STPG2: variants seen among roughly 807,000 people sequenced by gnomAD.
The protein encoded by STPG2 is sperm tail PG-rich repeat containing 2, also known as sperm-tail PG-rich repeat-containing protein 2.
In STPG2, 56 loss-of-function variants were observed where a neutral mutation model predicts 54.2. The observed-to-expected ratio is 1.03, with a 90% CI of 0.83 to 1.29. The LOEUF (loss-of-function observed/expected upper bound fraction) is 1.29, where lower values mean the gene tolerates loss of function less well. Ranked by LOEUF, STPG2 falls within the 50% of genes most tolerant of loss-of-function variation. STPG2 has a pLI of 0.00. For synonymous variants in STPG2, 200 were observed against 181.8 expected (o/e 1.10, Z -0.81); for missense variants, 596 against 544.9 (o/e 1.09, Z -0.93).
intron 10 of STPG2, among the ~76,000 whole-genome samples, chr4:97,635,318 C>G (rs904096537): frequency 6.6e-6 from 1 of 152,120 alleles, no homozygotes; most frequent in African/African-American, 2.4e-5. Flanking sequence ...CTAGGCCTGC[C>G]CTAAAAGAGC....
intron 9 of STPG2, among the ~76,000 whole-genome samples, chr4:97,746,249 A>G (rs1024616877): frequency 6.4e-4 from 97 of 151,326 alleles, no homozygotes; most frequent in African/African-American, 2.3e-3. Context: ...TCTTTAACTC[A>G]CTAAATTAAA....
chr4:97,518,747 A>C (rs1731124886), intron 4 of STPG2, among the ~76,000 whole-genome samples: 1 of 152,026 alleles, frequency 6.6e-6, no homozygotes, highest in African/African-American at 2.4e-5. Flanking sequence ...AAGTCCTCCA[A>C]ATGAACTGCC....
chr4:97,614,290 C>A (rs1244826561), intron 10 of STPG2, among the ~76,000 whole-genome samples: 1 of 117,744 alleles, frequency 8.5e-6, no homozygotes, highest in African/African-American at 3.2e-5. Context: ...TATGTGCCCT[C>A]TAAAGAGATT....
chr4:97,613,719 A>T (rs1733789777), intron 10 of STPG2, among the ~76,000 whole-genome samples: 1 of 152,094 alleles, frequency 6.6e-6, no homozygotes, highest in Non-Finnish European at 1.5e-5. Context: ...ACTCCAGTAC[A>T]ATACAAAAAT....
At chr4:98,076,424 T>A (rs1040144252) in intron 5 of STPG2, among the ~76,000 whole-genome samples, 1 of 152,192 alleles carries the variant, frequency 6.6e-6, no homozygotes, top group Non-Finnish European at 1.5e-5. Context: ...TTAATCACAA[T>A]TGAAAATATC....
chr4:97,481,821 T>G (rs775424885), intron 4 of STPG2, among the ~76,000 whole-genome samples: 35 of 151,614 alleles, frequency 2.3e-4, no homozygotes, highest in Non-Finnish European at 4.9e-4. Context: ...TCTTTTCCAA[T>G]CAGTATGCTT....
chr4:97,939,913 T>A (rs1439240339), intron 8 of STPG2, among the ~76,000 whole-genome samples: 1 of 152,212 alleles, frequency 6.6e-6, no homozygotes, highest in African/African-American at 2.4e-5. Flanking sequence ...CCTGTGTGTT[T>A]AAATGTGTTT....
chr4:97,641,942 G>A (rs1721778269), intron 10 of STPG2, among the ~76,000 whole-genome samples: 1 of 151,432 alleles, frequency 6.6e-6, no homozygotes, highest in African/African-American at 2.4e-5. Context: ...TTTGATCAAA[G>A]CATGATTACA....
chr4:97,976,255 A>C (rs181395061), intron 6 of STPG2, among the ~76,000 whole-genome samples: 2 of 152,278 alleles, frequency 1.3e-5, no homozygotes, highest in African/African-American at 4.8e-5. Flanking sequence ...TTTAGGAAAA[A>C]GATAAACACA....
At chr4:98,005,393 CAAACAG>C (rs1258495960) in intron 5 of STPG2, among the ~76,000 whole-genome samples, 1 of 152,150 alleles carries the variant, frequency 6.6e-6, no homozygotes, top group Non-Finnish European at 1.5e-5. Flanking sequence ...CTCTAAAGAA[CAAACAG>C]CTCTGAATAG....
intron 10 of STPG2, among the ~76,000 whole-genome samples, chr4:97,653,335 A>G (rs1416602539): frequency 6.6e-6 from 1 of 151,960 alleles, no homozygotes; most frequent in Non-Finnish European, 1.5e-5. Context: ...TTGACTTTAT[A>G]TAATGTAACA....
intron 4 of STPG2, among the ~76,000 whole-genome samples, chr4:98,108,243 C>A (rs1302330240): frequency 6.6e-6 from 1 of 152,000 alleles, no homozygotes; most frequent in Non-Finnish European, 1.5e-5. Flanking sequence ...ATCTGTCTAG[C>A]AAATTAATTG....
intron 5 of STPG2, among the ~76,000 whole-genome samples, chr4:98,042,149 T>G (rs532233272): frequency 6.6e-6 from 1 of 151,994 alleles, no homozygotes; most frequent in African/African-American, 2.4e-5. Flanking sequence ...TCTGATAATC[T>G]TTTGTATTTT....
chr4:97,907,635 A>G (rs1731491914), intron 8 of STPG2, among the ~76,000 whole-genome samples: 1 of 152,320 alleles, frequency 6.6e-6, no homozygotes, highest in East Asian at 1.9e-4. Context: ...AGGCTACAGT[A>G]ACCAAAACAG....
At chr4:97,903,666 T>C (rs1400478945) in intron 8 of STPG2, among the ~76,000 whole-genome samples, 2 of 152,214 alleles carry the variant, frequency 1.3e-5, no homozygotes, top group African/African-American at 2.4e-5. Context: ...ACTGGTGATT[T>C]CTGCATTTCC....
At chr4:97,503,321 T>C (rs1469808778) in intron 4 of STPG2, among the ~76,000 whole-genome samples, 1 of 152,064 alleles carries the variant, frequency 6.6e-6, no homozygotes, top group East Asian at 1.9e-4. Context: ...ACATATTTAA[T>C]AGTAAGTTAA....
intron 5 of STPG2, among the ~76,000 whole-genome samples, chr4:98,076,793 A>G (rs1020095727): frequency 2.6e-5 from 4 of 152,290 alleles, no homozygotes; most frequent in Non-Finnish European, 4.4e-5. Context: ...ATATGTTTAA[A>G]GAAAGGATAC....
intron 5 of STPG2, among the ~76,000 whole-genome samples, chr4:98,104,394 T>C (rs1171140651): frequency 6.6e-6 from 1 of 152,178 alleles, no homozygotes; most frequent in Non-Finnish European, 1.5e-5. Context: ...CCCTATATTT[T>C]AACCAGTTCA....
chr4:97,817,923 T>C (rs1727963024), intron 9 of STPG2, among the ~76,000 whole-genome samples: 1 of 150,002 alleles, frequency 6.7e-6, no homozygotes, highest in Non-Finnish European at 1.5e-5. Context: ...CTACTCAGAA[T>C]TATATATATA....
Sources: allele counts gnomAD v4.1 joint callset (sites outside exome capture counted in the v4.1 genomes callset), GRCh38; gene constraint gnomAD v4.1.1; transcripts MANE v1.5; gene names NCBI Gene and HGNC (gene_info 2026-07-23, HGNC 2026-07-21).